The following QRICH2 variants were observed in gnomAD, a reference collection of about 807,000 sequenced individuals.
The protein encoded by QRICH2 is glutamine-rich protein 2.
QRICH2 carries 119 observed loss-of-function variants against 168.3 expected under a neutral mutation model. That is an observed-to-expected ratio of 0.71 (90% CI 0.61 to 0.82). The LOEUF (loss-of-function observed/expected upper bound fraction) is 0.82, where lower values mean the gene tolerates loss of function less well. Among genes scored for constraint, QRICH2 ranks in the 40% least tolerant of loss-of-function variants. The probability of loss-of-function intolerance (pLI) is 0.00; values close to 1 mark genes in which losing one functional copy is unlikely to be tolerated. For synonymous variants in QRICH2, 894 were observed against 951.2 expected (o/e 0.94, Z 1.11); for missense variants, 2,241 against 2,491.6 (o/e 0.90, Z 2.14).
rs367545068 is a variant in QRICH2, at chr17:76,292,849, A to G, written c.1878T>C (p.Asp626=). The G allele has an allele frequency of 7.5e-6, 12 of 1,603,204 alleles. No individual in the cohort carries two copies. The African/African-American group carries it at 1.7e-4, about 22-fold the overall frequency. ...TACCAGGTTGGGCCAAACCAGACTG[A>G]TCCATTCCAGGCCAGACCAAACCAC... ...DQRGLVWPGM[D]QSGLAQPGRD... is the part of the protein sequence containing the mutation. The change falls in exon 4 of 19, where the codon GAT becomes GAC. Residue 626 remains aspartate, a synonymous_variant. Transcript: ENST00000680821.
At position 76,278,083 on chromosome 17, in the gene QRICH2, C is replaced by CCTT. The variant is rs1362148655; in HGVS notation, c.5020_5022dup (p.Lys1674dup). 1.2e-6 allele frequency: 2 copies of CCTT among 1,613,954 alleles called. No individual in the cohort carries two copies. The highest frequency in any genetic ancestry group is 1.7e-6 in the Non-Finnish European group (2 of 1,180,052). On this transcript the variant is annotated inframe_insertion, in exon 15 of 19. Coordinates refer to ENST00000680821, the MANE Select transcript of QRICH2 (RefSeq NM_001388453.1). ...GTGGAGCCCCCGAAGTGGATCTGCA[C>CCTT]CTTCTCAATGTTCATCAGCATCTTG...
chr17:76,288,006 AC>A, intron 5 of QRICH2, 109 bp from the exon 6 acceptor site: 1 of 762,420 alleles, frequency 1.3e-6, no homozygotes. Flanking sequence ...TACTAACCCA[AC>A]CCCCTCCGAC....
Position 76,280,591 on chromosome 17 carries a change from C to T in QRICH2, c.4461+63G>A. 6.2e-7 allele frequency: 1 copy of T among 1,607,328 alleles called. No individual in the cohort carries two copies. The highest frequency in any genetic ancestry group is 8.5e-7 in the Non-Finnish European group (1 of 1,174,228). On this transcript the variant is annotated intron_variant, in intron 10 of 18. Coordinates refer to ENST00000680821, the MANE Select transcript of QRICH2 (RefSeq NM_001388453.1). This position sits in a 1 kb window ranked among gnomAD's most constrained non-coding sequence, Gnocchi z 7.4. ...TCGCCAGCTCCCCTCCACTCAGTCT[C>T]TCAAAGAACAGTCAGCGAGACCGCC...
intron 3 of QRICH2, among the ~76,000 whole-genome samples, chr17:76,296,777 CAAA>C (rs758967969): frequency 7.7e-5 from 7 of 90,798 alleles, no homozygotes; most frequent in African/African-American, 1.2e-4. Context: ...GGCTCTGTCT[CAAA>C]AAAAAAAAAA....
At chr17:76,299,457 C>A (rs2070859050) in intron 3 of QRICH2, among the ~76,000 whole-genome samples, 1 of 152,092 alleles carries the variant, frequency 6.6e-6, no homozygotes, top group South Asian at 2.1e-4. Flanking sequence ...GCAAGAGGGG[C>A]CGGGCGCGGT....
rs2070834189 is a variant in QRICH2, at chr17:76,283,917, G to C, written c.4012-1802C>G. The stretch of plus-strand genomic sequence containing the variant: ...GCAGTGGCTCATGCCTATAATCCTA[G>C]CACTTTGGGAGGCCAAGGCAGGTGA... On this transcript the variant is annotated intron_variant, in intron 7 of 18. Coordinates refer to ENST00000680821, the MANE Select transcript of QRICH2 (RefSeq NM_001388453.1). 1.5e-5 allele frequency among the ~76,000 whole-genome samples: 2 copies of C among 137,620 alleles called. 1 individual carries two copies. The highest frequency in any genetic ancestry group is 6.7e-5 in the African/African-American group (2 of 29,852). 90.3% of individuals were successfully genotyped at this position (137,620 alleles called of 152,430 possible).
At chr17:76,276,587 G>T in intron 17 of QRICH2, 93 bp downstream of exon 17, 2 of 852,708 alleles carry the variant, frequency 2.3e-6, no homozygotes, top group Non-Finnish European at 3.9e-6. Context: ...GACACCCAGG[G>T]TCTAGTGGCC....
At chr17:76,277,386 C>CT in intron 15 of QRICH2, 76 bp from the exon 16 acceptor site, 2 of 1,523,656 alleles carry the variant, frequency 1.3e-6, no homozygotes, top group Non-Finnish European at 1.8e-6. Context: ...ACCCATGGGG[C>CT]TGACCAGAGG....
chr17:76,284,882 C>A (rs2070853903), intron 7 of QRICH2, among the ~76,000 whole-genome samples: 1 of 150,776 alleles, frequency 6.6e-6, no homozygotes, highest in African/African-American at 2.4e-5. Flanking sequence ...AAAAGATGCT[C>A]AGCATCTTTA....
At chr17:76,276,243 G>C (rs1301805231) in intron 17 of QRICH2, among the ~76,000 whole-genome samples, 2 of 151,646 alleles carry the variant, frequency 1.3e-5, no homozygotes, top group African/African-American at 4.9e-5. Flanking sequence ...CATCTAGAAA[G>C]GCGCATACAC....
At chr17:76,277,702 A>G (rs1357849467) in intron 15 of QRICH2, among the ~76,000 whole-genome samples, 2 of 151,950 alleles carry the variant, frequency 1.3e-5, no homozygotes, top group East Asian at 3.9e-4. Flanking sequence ...TCATACATGC[A>G]CACACATACT....
Position 76,298,509 on chromosome 17 carries a change from C to T in QRICH2, c.706-4488G>A, listed in dbSNP as rs573478815. ...ACCTTTTAAAAACTTTTTGTAGAGA[C>T]GGGGTCTTAATATGTTGCCTAGGCT... On this transcript the variant is annotated intron_variant, in intron 3 of 18. Coordinates refer to ENST00000680821, the MANE Select transcript of QRICH2 (RefSeq NM_001388453.1). Among the ~76,000 whole-genome samples, 7 of 152,124 alleles carry T rather than the reference C, an allele frequency of 4.6e-5. No homozygotes were observed. The South Asian group carries it at 1.2e-3, about 27-fold the overall frequency.
Position 76,292,272 on chromosome 17 carries a change from G to A in QRICH2, c.2455C>T (p.Arg819Cys), listed in dbSNP as rs148974430. Residue 819 changes from arginine (R) to cysteine (C), a missense_variant, in exon 4 of 19, where the codon CGT becomes TGT. Physicochemically the swap from Arg to Cys is radical, Grantham distance 180. This residue lies in a region of QRICH2 where 2,047 missense variants were observed against 2,303.8 expected (regional missense o/e 0.89). Transcript: ENST00000680821. ...TCCACTCCAGGTTGGACCAAACCAC[G>A]CTGAACTGCACCAGGTTGCACCAAA... ...RGLVQPGAVQ[R>C]GLVQPGVDQR... The A allele has an allele frequency of 3.5e-4, 567 of 1,604,744 alleles. No individual in the cohort carries two copies. Among genetic ancestry groups the A allele is most frequent in the Non-Finnish European group, 4.5e-4 (534 of 1,176,066 alleles).
intron 5 of QRICH2, among the ~76,000 whole-genome samples, chr17:76,289,663 C>T (rs2070952147): frequency 6.6e-6 from 1 of 151,858 alleles, no homozygotes. Context: ...GGGGGCTGGG[C>T]ACGGTGGCTC....
intron 12 of QRICH2, among the ~76,000 whole-genome samples, chr17:76,279,649 G>C (rs1375379010): frequency 6.6e-6 from 1 of 152,146 alleles, no homozygotes; most frequent in Admixed American, 6.5e-5. Flanking sequence ...GGTGCCCTGT[G>C]CAAGTCTCGG....
rs569736032 is a variant in QRICH2 at position 76,303,018 on chromosome 17, C to T, written c.705+1397G>A. On this transcript the variant is annotated intron_variant, in intron 3 of 18. Transcript: ENST00000680821. ...TCTGCCTCAGTCTCCTGAGTAACTG[C>T]GATTACAGGTGTGCACCACCACACC... Among the ~76,000 whole-genome samples, 393 of 151,984 alleles carry T rather than the reference C, an allele frequency of 2.6e-3. 1 individual carries two copies. The highest frequency in any genetic ancestry group is 8.6e-3 in the African/African-American group (358 of 41,442).
At position 76,293,225 on chromosome 17, in the gene QRICH2, C is replaced by A; in HGVS notation, c.1502G>T (p.Gly501Val). The A allele has an allele frequency of 6.2e-7, 1 of 1,614,048 alleles. No individual in the cohort carries two copies. ...ACCAGGGGGTACTAGTCCTTGCTGA[C>A]CCATGCCTGATATTACACATCCACG... ...DQRGCVISGM[G>V]QQGLVPPGID... Residue 501 changes from glycine to valine, a missense_variant, in exon 4 of 19, where the codon GGT (glycine) becomes GTT (valine). Gly to Val is a moderately radical substitution (Grantham distance 109, BLOSUM62 -3). Around this residue, in one of 3 missense-constraint regions of QRICH2, gnomAD observed 2,047 missense variants for 2,303.8 expected, o/e 0.89. Coordinates refer to ENST00000680821, the MANE Select transcript of QRICH2 (RefSeq NM_001388453.1).
chr17:76,291,382 G>C lies in QRICH2; in HGVS notation c.3345C>G (p.Gly1115=), dbSNP rs1334217746. ...SHDSMYPGYR[G]PGYLSADQHG... is the part of the protein sequence containing the mutation. ...GCTGATCAGCACTTAGATACCCTGG[G>C]CCACGATAACCAGGATACATTGAAT... Residue 1115 remains glycine (G), a synonymous_variant, in exon 4 of 19, where the codon GGC becomes GGG. Transcript: ENST00000680821. 6.2e-7 allele frequency: 1 copy of C among 1,614,052 alleles called. No individual in the cohort carries two copies. Among genetic ancestry groups the C allele is most frequent in the East Asian group, 2.2e-5 (1 of 44,880 alleles).
chr17:76,291,511 G>A lies in QRICH2; in HGVS notation c.3216C>T (p.His1072=). The A allele has an allele frequency of 5.0e-6, 8 of 1,614,022 alleles. No individual in the cohort carries two copies. Among genetic ancestry groups the A allele is most frequent in the Non-Finnish European group, 6.8e-6 (8 of 1,179,958 alleles). The change falls in exon 4 of 19, where the codon CAC becomes CAT. Residue 1072 remains histidine (H), a synonymous_variant. Coordinates refer to ENST00000680821, the MANE Select transcript of QRICH2 (RefSeq NM_001388453.1). ...IPLSTGLGST[H]PDQQHVASPG... ...GTGATGCCACATGCTGTTGATCTGG[G>A]TGTGTAGATCCCAAACCTGTACTCA...
Sources: allele counts gnomAD v4.1 joint callset (sites outside exome capture counted in the v4.1 genomes callset), GRCh38; gene constraint gnomAD v4.1.1; regional missense constraint gnomAD v4.1.1; non-coding constraint Gnocchi (gnomAD v3.1); transcripts MANE v1.5; gene names NCBI Gene and HGNC (gene_info 2026-07-23, HGNC 2026-07-21).